The following PTPRK variants were observed in gnomAD, a reference collection of about 807,000 sequenced individuals.
The protein encoded by PTPRK is receptor-type tyrosine-protein phosphatase kappa.
PTPRK carries 75 observed loss-of-function variants against 178.0 expected under a neutral mutation model. The ratio of observed to expected loss-of-function variants is 0.42; its 90% CI spans 0.35 to 0.51. PTPRK has a LOEUF of 0.51. Among genes scored for constraint, PTPRK ranks in the 20% least tolerant of loss-of-function variants. The pLI, the probability that PTPRK is intolerant of heterozygous loss-of-function variation, is 0.02. For missense variants in PTPRK, 1,441 were observed against 1,797.8 expected, an observed-to-expected ratio of 0.80 and a Z score of 3.59; for synonymous variants, 637 against 620.6, an observed-to-expected ratio of 1.03 and a Z score of -0.39.
intron 3 of PTPRK, among the ~76,000 whole-genome samples, chr6:128,305,747 T>A (rs1826276954): frequency 6.6e-6 from 1 of 152,164 alleles, no homozygotes; most frequent in African/African-American, 2.4e-5. Flanking sequence ...ACTACACAAA[T>A]GAATTGTTAT....
In PTPRK at chr6:128,218,952, C is replaced by T; in HGVS notation, c.838G>A (p.Val280Met). 1 of 1,613,884 alleles carries T rather than the reference C, an allele frequency of 6.2e-7. No homozygotes were observed. The highest frequency in any genetic ancestry group is 8.5e-7 in the Non-Finnish European group (1 of 1,179,912). ...ACAATAAGTTGAGCAAAATTGGACA[C>T]ACCGGAACCTCGTTCTGACTGAGTT... ...CVTQSERGSG[V>M]SNFAQLIVRE... Residue 280 changes from valine to methionine, a missense_variant, in exon 6 of 30, where the codon GTG becomes ATG. Val to Met is a conservative substitution (Grantham distance 21). Coordinates refer to ENST00000368226, the MANE Select transcript of PTPRK (RefSeq NM_002844.4).
intron 13 of PTPRK, among the ~76,000 whole-genome samples, chr6:128,041,909 T>TTG (rs147731373): frequency 6.6e-6 from 1 of 151,902 alleles, no homozygotes; most frequent in Non-Finnish European, 1.5e-5. Flanking sequence ...TAATATACAT[T>TTG]TGTGTGTGTG....
At chr6:128,006,798 C>T (rs775241394) in intron 14 of PTPRK, among the ~76,000 whole-genome samples, 2 of 150,732 alleles carry the variant, frequency 1.3e-5, no homozygotes, top group African/African-American at 2.4e-5. Flanking sequence ...AATGACATTG[C>T]GTTTTGAAAG....
chr6:127,986,464 T>C (rs1312813880), intron 21 of PTPRK, among the ~76,000 whole-genome samples: 2 of 152,200 alleles, frequency 1.3e-5, no homozygotes, highest in Non-Finnish European at 2.9e-5. Flanking sequence ...CGCAGTATTA[T>C]TTATAGTAAC....
At chr6:128,138,257 A>G (rs1233288898) in intron 7 of PTPRK, among the ~76,000 whole-genome samples, 2 of 152,254 alleles carry the variant, frequency 1.3e-5, no homozygotes, top group East Asian at 3.9e-4. Flanking sequence ...CCTAGTAGAG[A>G]TGGCTTTCTG....
intron 13 of PTPRK, among the ~76,000 whole-genome samples, chr6:128,019,198 T>C (rs959060608): frequency 1.3e-5 from 2 of 152,202 alleles, no homozygotes; most frequent in African/African-American, 2.4e-5. Flanking sequence ...AAGTGGCTTT[T>C]TAATAGTTCT....
intron 13 of PTPRK, among the ~76,000 whole-genome samples, chr6:128,056,006 T>C (rs1441693522): frequency 6.6e-6 from 1 of 150,994 alleles, no homozygotes; most frequent in Non-Finnish European, 1.5e-5. Context: ...TTTTTTTTTT[T>C]TAAATCTTGG....
At chr6:128,499,331 T>C (rs1402261855) in intron 1 of PTPRK, among the ~76,000 whole-genome samples, 1 of 152,304 alleles carries the variant, frequency 6.6e-6, no homozygotes, top group African/African-American at 2.4e-5. Context: ...TCAAACCCAG[T>C]AGTCAATTAG....
intron 1 of PTPRK, among the ~76,000 whole-genome samples, chr6:128,487,329 G>T (rs1562621235): frequency 6.6e-6 from 1 of 150,972 alleles, no homozygotes; most frequent in Non-Finnish European, 1.5e-5. Context: ...TGACACAGAA[G>T]TATGGCACTG....
intron 5 of PTPRK, among the ~76,000 whole-genome samples, chr6:128,227,484 C>T (rs573809710): frequency 1.3e-3 from 195 of 152,156 alleles, no homozygotes; most frequent in African/African-American, 4.0e-3. Flanking sequence ...GGCAAGCTGC[C>T]GTATTTTAAA....
intron 3 of PTPRK, chr6:128,321,542 T>C (rs1162753994): frequency 1.5e-5 from 6 of 395,566 alleles, no homozygotes; most frequent in South Asian, 5.6e-5. Flanking sequence ...TTAATCAAAA[T>C]TAAAATAATT....
intron 3 of PTPRK, among the ~76,000 whole-genome samples, chr6:128,259,462 T>G (rs1050895668): frequency 6.6e-6 from 1 of 152,182 alleles, no homozygotes; most frequent in Non-Finnish European, 1.5e-5. Context: ...AATATGCACA[T>G]GCACACACAC....
intron 1 of PTPRK, among the ~76,000 whole-genome samples, chr6:128,509,959 T>C (rs60719752): frequency 0.22 from 33,303 of 152,128 alleles, 4,189 homozygotes; most frequent in African/African-American, 0.33. Context: ...CTGCTCCAAC[T>C]GACCAGGTGG....
At chr6:128,241,938 CG>C (rs1402598718) in intron 4 of PTPRK, among the ~76,000 whole-genome samples, 6 of 147,636 alleles carry the variant, frequency 4.1e-5, no homozygotes, top group Non-Finnish European at 7.4e-5. Context: ...TGCACCACCA[CG>C]CCTGGCTAAT....
chr6:128,049,864 C>A (rs186642164), intron 13 of PTPRK, among the ~76,000 whole-genome samples: 1 of 152,156 alleles, frequency 6.6e-6, no homozygotes, highest in African/African-American at 2.4e-5. Flanking sequence ...AGGCCAGGTG[C>A]GGTGGCTCAC....
At chr6:128,108,224 C>T (rs1015944761) in intron 7 of PTPRK, among the ~76,000 whole-genome samples, 1 of 151,886 alleles carries the variant, frequency 6.6e-6, no homozygotes, top group African/African-American at 2.4e-5. Context: ...TAGTGTTTCC[C>T]TCATATGACG....
chr6:128,320,907 GA>G (rs1434863249), intron 3 of PTPRK: 2 of 152,044 alleles, frequency 1.3e-5, no homozygotes, highest in Non-Finnish European at 2.9e-5. Context: ...CGGAATAATA[GA>G]ATCAACTTGT....
chr6:128,105,166 C>T (rs1400121143), intron 7 of PTPRK, among the ~76,000 whole-genome samples: 3 of 148,704 alleles, frequency 2.0e-5, no homozygotes, highest in Non-Finnish European at 1.5e-5. Context: ...CGGAGTCTTG[C>T]TCTGTCGCCC....
chr6:128,329,285 ATGTC>A (rs1829967184), intron 2 of PTPRK, among the ~76,000 whole-genome samples: 1 of 152,114 alleles, frequency 6.6e-6, no homozygotes, highest in Non-Finnish European at 1.5e-5. Context: ...AGAGTGTTGG[ATGTC>A]TGAAGAATGA....
Sources: allele counts gnomAD v4.1 joint callset (sites outside exome capture counted in the v4.1 genomes callset), GRCh38; gene constraint gnomAD v4.1.1; transcripts MANE v1.5; gene names NCBI Gene and HGNC (gene_info 2026-07-23, HGNC 2026-07-21).